CLDN10: variants seen among roughly 807,000 people sequenced by gnomAD.
The protein encoded by CLDN10 is claudin-10.
Under a neutral mutation model 22.9 loss-of-function variants are expected in CLDN10, and 15 were observed. The observed-to-expected ratio is 0.65, with a 90% CI of 0.44 to 1.01. The LOEUF is 1.01. Among genes scored for constraint, CLDN10 ranks in the 50% least tolerant of loss-of-function variants. CLDN10 has a pLI of 0.00. For missense variants in CLDN10, 247 were observed against 287.8 expected (o/e 0.86, Z 1.03); for synonymous variants, 114 against 111.4 (o/e 1.02, Z -0.15).
At chr13:95,446,757 G>A (rs534408122) in intron 1 of CLDN10, among the ~76,000 whole-genome samples, 8 of 152,104 alleles carry the variant, frequency 5.3e-5, no homozygotes, top group African/African-American at 9.6e-5. Context: ...CAGGAGAATC[G>A]CTTGAACCCA....
intron 3 of CLDN10, among the ~76,000 whole-genome samples, chr13:95,567,376 T>G (rs2043800275): frequency 6.6e-6 from 1 of 152,204 alleles, no homozygotes; most frequent in South Asian, 2.1e-4. Context: ...GTATTCTCTT[T>G]GAAGCAATTG....
At chr13:95,522,132 T>C (rs895629698) in intron 1 of CLDN10, among the ~76,000 whole-genome samples, 3 of 152,068 alleles carry the variant, frequency 2.0e-5, no homozygotes, top group Non-Finnish European at 2.9e-5. Flanking sequence ...CTTGATGTTC[T>C]CTGTTTCCTG....
chr13:95,531,975 A>T (rs2043348057), intron 1 of CLDN10, among the ~76,000 whole-genome samples: 1 of 152,208 alleles, frequency 6.6e-6, no homozygotes, highest in African/African-American at 2.4e-5. Flanking sequence ...GGAAAAATGA[A>T]TCTAACCTCT....
chr13:95,505,494 T>C (rs996093993), intron 1 of CLDN10, among the ~76,000 whole-genome samples: 1 of 152,224 alleles, frequency 6.6e-6, no homozygotes, highest in African/African-American at 2.4e-5. Context: ...CTTTGGAAGT[T>C]GATTTTGGTT....
chr13:95,446,085 T>C (rs2139071766), intron 1 of CLDN10, among the ~76,000 whole-genome samples: 1 of 152,292 alleles, frequency 6.6e-6, no homozygotes, highest in East Asian at 1.9e-4. Context: ...ATTGGGTAGA[T>C]GTTACTAGAG....
intron 3 of CLDN10, 86 bp downstream of exon 3, chr13:95,560,549 T>C: frequency 1.8e-6 from 2 of 1,105,906 alleles, no homozygotes; most frequent in Non-Finnish European, 1.3e-6. Context: ...ATTTCCTATA[T>C]GACTTTTGAA....
At chr13:95,463,289 T>TATATATATATAC (rs2042553075) in intron 1 of CLDN10, among the ~76,000 whole-genome samples, 1 of 40,910 alleles carries the variant, frequency 2.4e-5, no homozygotes, top group Non-Finnish European at 3.7e-5. Context: ...ATGCTTAATA[T>TATATATATATAC]ATATATATAT....
chr13:95,478,123 G>T (rs752061315), intron 1 of CLDN10, among the ~76,000 whole-genome samples: 1 of 151,236 alleles, frequency 6.6e-6, no homozygotes, highest in Non-Finnish European at 1.5e-5. Context: ...TGGCCAACAT[G>T]GCAAAACACC....
At position 95,434,089 on chromosome 13, in the gene CLDN10, T is replaced by A; in HGVS notation, c.214+42T>A. ...TGTTTGGGGTGGAGGTAAAATGTACTTTTCCCCCCGACTGTGCTGAAGTAG... is the reference window on the plus strand; with the variant it reads ...TGTTTGGGGTGGAGGTAAAATGTACATTTCCCCCCGACTGTGCTGAAGTAG... On this transcript the variant is annotated intron_variant, in intron 1 of 4. Coordinates refer to the CLDN10 transcript ENST00000376873. The A allele has an allele frequency of 1.9e-6, 3 of 1,555,846 alleles. No individual in the cohort carries two copies. The South Asian group carries it at 3.4e-5, about 17-fold the overall frequency.
At chr13:95,520,862 C>G (rs2043217475) in intron 1 of CLDN10, among the ~76,000 whole-genome samples, 1 of 152,074 alleles carries the variant, frequency 6.6e-6, no homozygotes, top group Admixed American at 6.5e-5. Flanking sequence ...CGCCTGTAGT[C>G]CCAGCTAGTT....
At chr13:95,480,417 T>C (rs1386671332) in intron 1 of CLDN10, among the ~76,000 whole-genome samples, 3 of 152,172 alleles carry the variant, frequency 2.0e-5, no homozygotes, top group Non-Finnish European at 4.4e-5. Flanking sequence ...TCTCCACAGC[T>C]CACACCCAGA....
intron 1 of CLDN10, among the ~76,000 whole-genome samples, chr13:95,495,549 C>A (rs2042919759): frequency 6.6e-6 from 1 of 151,028 alleles, no homozygotes; most frequent in Non-Finnish European, 1.5e-5. Context: ...TCGAGGCCAT[C>A]CTGGCTAACA....
chr13:95,547,021 G>T (rs2043516370), intron 1 of CLDN10, among the ~76,000 whole-genome samples: 1 of 150,092 alleles, frequency 6.7e-6, no homozygotes, highest in Non-Finnish European at 1.5e-5. Context: ...CTCCCAAAGA[G>T]CTGGGACTAC....
At position 95,445,299 on chromosome 13, in the gene CLDN10, C is replaced by T. The variant is rs146833160; in HGVS notation, c.214+11252C>T. On this transcript the variant is annotated intron_variant, in intron 1 of 4. Transcript: ENST00000376873. ...GCGGGGGAGAATATCTGGCTGCAGACGTCGATAACAAAAGCTCCCAAAGGG... is the reference window on the plus strand; with the variant it reads ...GCGGGGGAGAATATCTGGCTGCAGATGTCGATAACAAAAGCTCCCAAAGGG... Among the ~76,000 whole-genome samples the T allele has an allele frequency of 5.8e-3, 878 of 152,270 alleles. 10 individuals are homozygous for T. Among genetic ancestry groups the T allele is most frequent in the African/African-American group, 0.02 (833 of 41,544 alleles).
intron 1 of CLDN10, among the ~76,000 whole-genome samples, chr13:95,540,341 T>TAAATA (rs969373511): frequency 7.1e-6 from 1 of 141,566 alleles, no homozygotes; most frequent in Non-Finnish European, 1.6e-5. Context: ...AATAAATAAA[T>TAAATA]ATTAGCCTGG....
At chr13:95,448,764 TTC>T (rs372698344) in intron 1 of CLDN10, among the ~76,000 whole-genome samples, 1 of 149,846 alleles carries the variant, frequency 6.7e-6, no homozygotes. Context: ...TTGAGGCAGA[TTC>T]TCTCTCTCTC....
rs989531397 is a variant in CLDN10 at position 95,479,510 on chromosome 13, C to T, written c.214+45463C>T. 13 of 151,996 alleles carry T rather than the reference C, an allele frequency of 8.6e-5. No individual in the cohort carries two copies. In the East Asian group the frequency reaches 2.5e-3, roughly 29 times the overall value. 9.4% of individuals were successfully genotyped at this position (151,996 alleles called of 1,614,324 possible). On this transcript the variant is annotated intron_variant, in intron 1 of 4. Transcript: ENST00000376873. Reference sequence around the variant, plus strand: ...AGGCTATTTTTTAAAAAATACTTCGCTATATAAAGTCATATTCTTCTCTGA... The same window carrying T: ...AGGCTATTTTTTAAAAAATACTTCGTTATATAAAGTCATATTCTTCTCTGA...
rs779658942 is a variant in CLDN10, at chr13:95,577,293, G to T, written c.527G>T (p.Gly176Val). The change falls in exon 4 of 5, where the codon GGT becomes GTT. Residue 176 changes from glycine (G) to valine (V), a missense_variant. Gly to Val is a moderately radical substitution (Grantham distance 109, BLOSUM62 -3). Transcript: ENST00000299339. ...GGAGCCTCACTGTGCATAATTGGTG[G>T]TGTCATATTTTGCTTTTCAATATCT... ...WAGASLCIIG[G>V]VIFCFSISDN... 1 of 1,614,050 alleles carries T rather than the reference G, an allele frequency of 6.2e-7. No homozygotes were observed.
At chr13:95,565,737 T>C (rs2043778115) in intron 3 of CLDN10, among the ~76,000 whole-genome samples, 1 of 152,138 alleles carries the variant, frequency 6.6e-6, no homozygotes. Context: ...CAACTCATCA[T>C]TTACATTAGG....
Sources: gnomAD v4.1 joint callset for allele counts (sites outside exome capture counted in the v4.1 genomes callset) on GRCh38, gnomAD v4.1.1 for gene constraint, MANE v1.5 for transcripts, NCBI Gene and HGNC (gene_info 2026-07-23, HGNC 2026-07-21) for gene names.